Variants in C5orf58 observed in about 807,000 individuals in gnomAD.
The protein encoded by C5orf58 is putative uncharacterized protein C5orf58.
In C5orf58, 2 loss-of-function variants were observed where a neutral mutation model predicts 2.9. That is an observed-to-expected ratio of 0.69 (90% CI 0.28 to 2.18). The LOEUF (loss-of-function observed/expected upper bound fraction) is 2.18, where lower values mean the gene tolerates loss of function less well. Among genes scored for constraint, C5orf58 ranks in the 30% most tolerant of loss-of-function variants. C5orf58 has a pLI of 0.13. For missense variants in C5orf58, 96 were observed against 91.7 expected, an observed-to-expected ratio of 1.05 and a Z score of -0.19; for synonymous variants, 37 against 33.4, an observed-to-expected ratio of 1.11 and a Z score of -0.37.
chr5:170,238,787 T>C (rs1250359724), intron 3 of C5orf58, among the ~76,000 whole-genome samples: 1 of 152,210 alleles, frequency 6.6e-6, no homozygotes, highest in Admixed American at 6.5e-5. Context: ...GAAAAAAATA[T>C]GATTTCCAAC....
intron 2 of C5orf58, 83 bp downstream of exon 2, chr5:170,234,281 T>A: frequency 2.5e-6 from 2 of 797,064 alleles, no homozygotes; most frequent in Middle Eastern, 5.5e-4. Context: ...TGTATGCTAA[T>A]TGAGATGGAG....
rs185056000 is a variant in C5orf58 at position 170,234,150 on chromosome 5, A to C, written c.-49A>C. On this transcript the variant is annotated 5_prime_UTR_variant, in exon 2 of 4. Transcript: ENST00000593851. The stretch of plus-strand genomic sequence containing the variant: ...GTGGCTCTGAAATGAGAGAAATTGC[A>C]GAAATTCTCCCTGCTCAGGAAAAGG... 7.3e-7 allele frequency: 1 copy of C among 1,367,686 alleles called. No individual in the cohort carries two copies. Among genetic ancestry groups the C allele is most frequent in the African/African-American group, 1.5e-5 (1 of 67,880 alleles). 84.7% of individuals were successfully genotyped at this position (1,367,686 alleles called of 1,614,324 possible). A position where few individuals can be genotyped will look rare whatever the true frequency, so the allele number is the denominator to read the frequency against.
intron 3 of C5orf58, among the ~76,000 whole-genome samples, chr5:170,238,149 AAATCT>A (rs1323238859): frequency 2.6e-5 from 4 of 152,220 alleles, no homozygotes; most frequent in African/African-American, 9.6e-5. Flanking sequence ...CTTGAGGGAC[AAATCT>A]AATATTAAAA....
chr5:170,234,082 C>T (rs1760638303), intron 1 of C5orf58, 33 bp from the exon 2 acceptor site: 14 of 1,293,252 alleles, frequency 1.1e-5, no homozygotes, highest in South Asian at 1.1e-4. Flanking sequence ...AGATGCAAAG[C>T]GCATTTTATT....
intron 3 of C5orf58, among the ~76,000 whole-genome samples, chr5:170,243,707 A>G (rs1035909715): frequency 6.6e-6 from 1 of 150,552 alleles, no homozygotes; most frequent in Non-Finnish European, 1.5e-5. Flanking sequence ...AATACAGCAC[A>G]CTGATGGGTC....
At chr5:170,250,910 A>G (rs759401598), downstream of C5orf58, 7 of 1,605,830 alleles carry the variant, frequency 4.4e-6, no homozygotes, top group South Asian at 6.6e-5. Context: ...TCCTGTTATT[A>G]TGGGAGCAGT....
At chr5:170,236,184 A>G (rs1462702771) in intron 3 of C5orf58, among the ~76,000 whole-genome samples, 1 of 151,986 alleles carries the variant, frequency 6.6e-6, no homozygotes, top group Non-Finnish European at 1.5e-5. Context: ...TGGGGAAAGG[A>G]ACACCTCAAA....
downstream of C5orf58, chr5:170,250,782 T>A (rs375365359): frequency 2.0e-5 from 33 of 1,613,034 alleles, no homozygotes; most frequent in African/African-American, 4.4e-4. Context: ...TTCCTTCTGA[T>A]AACGGATCTG....
chr5:170,246,730 C>T (rs1170453783), downstream of C5orf58: 1 of 152,392 alleles, frequency 6.6e-6, no homozygotes, highest in Non-Finnish European at 1.5e-5. Flanking sequence ...CCCTGATTGA[C>T]CCAGCTTTAG....
At chr5:170,237,292 A>G (rs1760784129) in intron 3 of C5orf58, 1 of 398,320 alleles carries the variant, frequency 2.5e-6, no homozygotes, top group Non-Finnish European at 4.4e-6. Flanking sequence ...GCCAACCTTT[A>G]CAGAATTTAC....
chr5:170,246,850 G>A (rs772290715), downstream of C5orf58: 14 of 152,172 alleles, frequency 9.2e-5, no homozygotes, highest in Admixed American at 2.0e-4. Flanking sequence ...AGGAGTTGTC[G>A]GTGCTTGAAC....
At chr5:170,247,314 T>G (rs1761320632), downstream of C5orf58, 1 of 152,230 alleles carries the variant, frequency 6.6e-6, no homozygotes, top group Non-Finnish European at 1.5e-5. Context: ...AAACACCATT[T>G]TTATCATCAG....
intron 3 of C5orf58, among the ~76,000 whole-genome samples, chr5:170,245,393 G>T (rs1236382805): frequency 3.3e-5 from 5 of 152,210 alleles, no homozygotes; most frequent in African/African-American, 1.2e-4. Context: ...CTTGCAGTTT[G>T]ATCTCAGACT....
chr5:170,237,199 G>A (rs1760780238), intron 3 of C5orf58: 2 of 397,950 alleles, frequency 5.0e-6, no homozygotes, highest in Non-Finnish European at 8.9e-6. Context: ...GCTACGCTAG[G>A]AAGGTAGACT....
At chr5:170,233,971 C>G (rs919595971) in intron 1 of C5orf58, 144 bp from the exon 2 acceptor site, 1 of 398,796 alleles carries the variant, frequency 2.5e-6, no homozygotes, top group Non-Finnish European at 4.9e-6. Context: ...CCACTCCACC[C>G]CTTGTTAAAA....
At chr5:170,243,209 A>G (rs1188648395) in intron 3 of C5orf58, among the ~76,000 whole-genome samples, 1 of 149,968 alleles carries the variant, frequency 6.7e-6, no homozygotes, top group Non-Finnish European at 1.5e-5. Flanking sequence ...TATATGGTCA[A>G]TTTTGGAATA....
downstream of C5orf58, chr5:170,250,973 C>G: frequency 1.9e-6 from 2 of 1,031,562 alleles, no homozygotes; most frequent in Non-Finnish European, 1.4e-6. Flanking sequence ...CTCTAGGGAT[C>G]TGACAAACAT....
At position 170,234,135 on chromosome 5, in the gene C5orf58, A is replaced by C. The variant is rs760441843; in HGVS notation, c.-64A>C. The stretch of plus-strand genomic sequence containing the variant: ...ATTAGTTTTTTTACAGTGGCTCTGA[A>C]ATGAGAGAAATTGCAGAAATTCTCC... On this transcript the variant is annotated 5_prime_UTR_variant, in exon 2 of 4. Transcript: ENST00000593851. The C allele has an allele frequency of 7.3e-7, 1 of 1,367,604 alleles. No homozygotes were observed. Among genetic ancestry groups the C allele is most frequent in the Non-Finnish European group, 9.8e-7 (1 of 1,021,748 alleles). 84.7% of individuals were successfully genotyped at this position (1,367,604 alleles called of 1,614,324 possible).
chr5:170,247,779 A>C (rs1315751541), downstream of C5orf58: 1 of 152,226 alleles, frequency 6.6e-6, no homozygotes, highest in Non-Finnish European at 1.5e-5. Flanking sequence ...ATCACATTTA[A>C]TCTAAAGTGT....
Sources: allele counts gnomAD v4.1 joint callset (sites outside exome capture counted in the v4.1 genomes callset), GRCh38; gene constraint gnomAD v4.1.1; transcripts MANE v1.5; gene names NCBI Gene and HGNC (gene_info 2026-07-23, HGNC 2026-07-21).